USP45: variants seen among roughly 807,000 people sequenced by gnomAD.
USP45 encodes ubiquitin carboxyl-terminal hydrolase 45.
In USP45, 89 loss-of-function variants were observed where a neutral mutation model predicts 95.8. The observed-to-expected ratio is 0.93, with a 90% CI of 0.78 to 1.11. The LOEUF (loss-of-function observed/expected upper bound fraction) is 1.11, where lower values mean the gene tolerates loss of function less well. Ranked by LOEUF, USP45 falls within the 50% of genes least tolerant of loss-of-function variation. The pLI, the probability that USP45 is intolerant of heterozygous loss-of-function variation, is 0.00. For missense variants in USP45, 898 were observed against 942.5 expected (o/e 0.95, Z 0.62); for synonymous variants, 281 against 316.2 (o/e 0.89, Z 1.18).
chr6:99,463,293 G>A (rs747099134), intron 13 of USP45, among the ~76,000 whole-genome samples: 15 of 152,112 alleles, frequency 9.9e-5, no homozygotes, highest in Non-Finnish European at 2.2e-4. Context: ...TAATATCATA[G>A]AGAGACATAA....
chr6:99,492,910 T>C (rs1795503617), intron 5 of USP45, among the ~76,000 whole-genome samples: 1 of 152,252 alleles, frequency 6.6e-6, no homozygotes, highest in South Asian at 2.1e-4. Context: ...ATCAATGCCC[T>C]TTGTGTATCA....
intron 5 of USP45, among the ~76,000 whole-genome samples, chr6:99,496,793 T>C (rs372023324): frequency 4.0e-5 from 6 of 150,180 alleles, no homozygotes; most frequent in African/African-American, 1.5e-4. Context: ...AGGTTTTAGG[T>C]TCACAGCAAA....
At position 99,467,853 on chromosome 6, in the gene USP45, CACAAAA is replaced by C. The variant is rs144258975; in HGVS notation, c.1015+678_1015+683del. ...ACCTGTAGTACATACATTATAAAAC[CACAAAA>C]ACAAAAGTTAGAAAAAAATACAAAT... On this transcript the variant is annotated intron_variant, in intron 10 of 17. Coordinates refer to ENST00000500704, the MANE Select transcript of USP45 (RefSeq NM_001346022.3). Among the ~76,000 whole-genome samples the C allele has an allele frequency of 1.8e-3, 279 of 151,972 alleles. 2 individuals carry two copies. The highest frequency in any genetic ancestry group is 5.8e-3 in the East Asian group (30 of 5,186).
chr6:99,446,529 T>A (rs2128554199), intron 13 of USP45, 66 bp from the exon 14 acceptor site: 1 of 1,364,192 alleles, frequency 7.3e-7, no homozygotes, highest in East Asian at 2.4e-5. Context: ...ATGCCAATAA[T>A]TCTTAAACAT....
In USP45 at chr6:99,480,325, G is replaced by A. The variant is rs528236013; in HGVS notation, c.845+2428C>T. Among the ~76,000 whole-genome samples the A allele has an allele frequency of 2.8e-4, 42 of 152,158 alleles. No individual in the cohort carries two copies. In the South Asian group the frequency reaches 8.7e-3, roughly 32 times the overall value. On this transcript the variant is annotated intron_variant, in intron 8 of 17. Coordinates refer to ENST00000500704, the MANE Select transcript of USP45 (RefSeq NM_001346022.3). ...TTAAGATGTTGATTCTCCCCAAATTGATCTACACATTCAAAACAATCCCAA... is the reference window on the plus strand; with the variant it reads ...TTAAGATGTTGATTCTCCCCAAATTAATCTACACATTCAAAACAATCCCAA...
chr6:99,515,281 T>G (rs1800938630), intron 1 of USP45, 111 bp downstream of exon 1: 1 of 151,946 alleles, frequency 6.6e-6, no homozygotes, highest in Non-Finnish European at 1.5e-5. Flanking sequence ...GTGGGGAGCC[T>G]CTCTTCCAGC....
chr6:99,437,434 A>G, intron 16 of USP45, 35 bp from the exon 17 acceptor site: 1 of 1,553,264 alleles, frequency 6.4e-7, no homozygotes, highest in Non-Finnish European at 8.7e-7. Flanking sequence ...AATTAGTAAT[A>G]TTTGTTAAAT....
At chr6:99,485,079 T>C (rs1853522) in intron 7 of USP45, among the ~76,000 whole-genome samples, 149,225 of 151,776 alleles carry the variant, frequency 0.98, 73,369 homozygotes, top group East Asian at 1. Flanking sequence ...CCTGTAATCC[T>C]AGCATTTTGG....
Position 99,482,856 on chromosome 6 carries a change from G to A in USP45, c.742C>T (p.Pro248Ser), listed in dbSNP as rs1423671586. ...AACAAGGCTGAGGTCAGTGGTCCAG[G>A]CCTTGAAAGTTCCACCACCAATGGG... is the stretch of plus-strand genomic sequence containing the variant. ...LDPLVVELSR[P>S]GPLTSALFLF... is the part of the protein sequence containing the mutation. Residue 248 changes from proline (P) to serine (S), a missense_variant, in exon 8 of 18, where the codon CCT becomes TCT. Coordinates refer to ENST00000500704, the MANE Select transcript of USP45 (RefSeq NM_001346022.3). 1.9e-6 allele frequency: 3 copies of A among 1,567,778 alleles called. No homozygotes were observed. In the African/African-American group the frequency reaches 4.1e-5, roughly 21 times the overall value.
chr6:99,499,209 C>T (rs547109687), intron 5 of USP45, among the ~76,000 whole-genome samples: 11 of 152,284 alleles, frequency 7.2e-5, no homozygotes, highest in African/African-American at 2.2e-4. Flanking sequence ...CACAGGCTTT[C>T]TTCTCAATAA....
chr6:99,443,543 T>A, intron 15 of USP45, 22 bp downstream of exon 15: 1 of 1,531,122 alleles, frequency 6.5e-7, no homozygotes, highest in Non-Finnish European at 9.0e-7. Flanking sequence ...ATGAAAATTA[T>A]GGTGCTACTG....
Position 99,437,321 on chromosome 6 carries a change from A to G in USP45, c.2239T>C (p.Tyr747His), listed in dbSNP as rs1582925965. The change falls in exon 17 of 18, where the codon TAC becomes CAC. Residue 747 changes from tyrosine (Y) to histidine (H), a missense_variant. By Grantham distance (83) the Tyr-to-His change is moderately conservative. Transcript: ENST00000500704. Reference protein sequence around the residue: ...EHSGSMREGHYTAYVKVRTPS... With the variant: ...EHSGSMREGHHTAYVKVRTPS... ...GTTCTCACTTTCACATAAGCAGTGT[A>G]GTGGCCTTCTCTCATCGAGCCACTA... is the stretch of plus-strand genomic sequence containing the variant. 1 of 1,613,902 alleles carries G rather than the reference A, an allele frequency of 6.2e-7. No homozygotes were observed. Among genetic ancestry groups the G allele is most frequent in the Non-Finnish European group, 8.5e-7 (1 of 1,179,948 alleles).
At chr6:99,456,414 C>T (rs188763311) in intron 13 of USP45, among the ~76,000 whole-genome samples, 1 of 152,122 alleles carries the variant, frequency 6.6e-6, no homozygotes, top group Admixed American at 6.5e-5. Flanking sequence ...TAACTGATAT[C>T]CCAAATACCC....
In USP45 at chr6:99,488,263, C is replaced by A. The variant is rs139833269; in HGVS notation, c.651G>T (p.Leu217=). The A allele has an allele frequency of 3.1e-4, 507 of 1,611,856 alleles. 3 individuals are homozygous for A. The African/African-American group carries it at 6.2e-3, about 20-fold the overall frequency. Residue 217 remains leucine, a synonymous_variant, in exon 7 of 18, where the codon CTG becomes CTT. Transcript: ENST00000500704. ...NLAQTYTLTD[L]MNEIKESSTK... is the part of the protein sequence containing the mutation. The stretch of plus-strand genomic sequence containing the variant: ...TACTACTTTCTTTGATCTCATTCAT[C>A]AGATCAGTAAGAGTATAAGTCTGTG...
At position 99,443,586 on chromosome 6, in the gene USP45, G is replaced by T; in HGVS notation, c.2052C>A (p.Leu684=). ...TTACCTGATGAAATCTTTTCAGGTGGAGAATTAGGACAGCTGGAACAGCAG... is the reference window on the plus strand; with the variant it reads ...TTACCTGATGAAATCTTTTCAGGTGTAGAATTAGGACAGCTGGAACAGCAG... ...LISAVPAVLI[L]HLKRFHQAGL... is the part of the protein sequence containing the mutation. Residue 684 remains leucine, a synonymous_variant, in exon 15 of 18, where the codon CTC becomes CTA. Transcript: ENST00000500704. The T allele has an allele frequency of 6.2e-7, 1 of 1,607,896 alleles. No homozygotes were observed. Among genetic ancestry groups the T allele is most frequent in the Non-Finnish European group, 8.5e-7 (1 of 1,176,594 alleles).
intron 4 of USP45, among the ~76,000 whole-genome samples, chr6:99,505,952 C>T (rs986084570): frequency 5.3e-5 from 8 of 152,170 alleles, no homozygotes; most frequent in African/African-American, 1.9e-4. Context: ...GGCACCATTG[C>T]TGTCTCCATT....
Position 99,446,149 on chromosome 6 carries a change from T to G in USP45, c.1623A>C (p.Lys541Asn). Residue 541 changes from lysine to asparagine, a missense_variant, in exon 14 of 18, where the codon AAA (lysine) becomes AAC (asparagine). Coordinates refer to ENST00000500704, the MANE Select transcript of USP45 (RefSeq NM_001346022.3). ...TGTCAGTCTCCTTGGTGTACAGCAG[T>G]TTACCTGCTGACAGAGGGTAAAGGG... The part of the protein sequence containing the change: ...DGPLYPLSAG[K>N]LLYTKETDSG... The G allele has an allele frequency of 6.2e-7, 1 of 1,614,140 alleles. No homozygotes were observed. Among genetic ancestry groups the G allele is most frequent in the Non-Finnish European group, 8.5e-7 (1 of 1,180,018 alleles).
At chr6:99,501,260 G>A (rs943838829) in intron 5 of USP45, among the ~76,000 whole-genome samples, 2 of 148,738 alleles carry the variant, frequency 1.3e-5, no homozygotes, top group Admixed American at 6.8e-5. Flanking sequence ...CAATCTGTGT[G>A]CCACATAGCA....
chr6:99,450,204 G>C (rs1306026400), intron 13 of USP45, among the ~76,000 whole-genome samples: 1 of 151,396 alleles, frequency 6.6e-6, no homozygotes, highest in Non-Finnish European at 1.5e-5. Flanking sequence ...AAGAGATAGA[G>C]ACACAAAAAA....
Sources: allele counts gnomAD v4.1 joint callset (sites outside exome capture counted in the v4.1 genomes callset), GRCh38; gene constraint gnomAD v4.1.1; transcripts MANE v1.5; gene names NCBI Gene and HGNC (gene_info 2026-07-23, HGNC 2026-07-21).